The following VTI1B variants were observed in gnomAD, a reference collection of about 807,000 sequenced individuals.
VTI1B encodes the protein vesicle transport through interaction with t-SNAREs 1B, also known as vesicle transport through interaction with t-SNAREs homolog 1B.
Under a neutral mutation model 28.6 loss-of-function variants are expected in VTI1B, and 18 were observed. The observed-to-expected ratio is 0.63, with a 90% confidence interval of 0.43 to 0.93. The LOEUF (loss-of-function observed/expected upper bound fraction) is 0.93, where lower values mean the gene tolerates loss of function less well. Ranked by LOEUF, VTI1B falls within the 40% of genes least tolerant of loss-of-function variation. VTI1B has a pLI of 0.00. For synonymous variants in VTI1B, 100 were observed against 107.9 expected (o/e 0.93, Z 0.46); for missense variants, 283 against 297.0 (o/e 0.95, Z 0.35).
rs201273403 is a variant in VTI1B at position 67,650,685 on chromosome 14, C to T, written c.*700G>A. The T allele has an allele frequency of 1.2e-5, 20 of 1,607,444 alleles. No individual in the cohort carries two copies. In the East Asian group the frequency reaches 3.6e-4, roughly 29 times the overall value. ...TCACTGAGAGTAGCAGCAAGGGAAC[C>T]TGAGGTTTTGTCACACTTTGTTCTT... is the stretch of plus-strand genomic sequence containing the variant. On this transcript the variant is annotated 3_prime_UTR_variant, in exon 6 of 6. Coordinates refer to ENST00000554659, the MANE Select transcript of VTI1B (RefSeq NM_006370.3).
chr14:67,655,643 G>A (rs1274125493), intron 4 of VTI1B, among the ~76,000 whole-genome samples: 1 of 151,888 alleles, frequency 6.6e-6, no homozygotes, highest in Non-Finnish European at 1.5e-5. Context: ...AAACAGCCTT[G>A]GCTCTAAATA....
At chr14:67,673,265 A>G (rs2037491427) in intron 1 of VTI1B, among the ~76,000 whole-genome samples, 3 of 152,156 alleles carry the variant, frequency 2.0e-5, no homozygotes, top group Admixed American at 2.0e-4. Flanking sequence ...AATTGCTTCA[A>G]TCTGGGAAGT....
chr14:67,670,256 G>T (rs895238640), intron 1 of VTI1B, among the ~76,000 whole-genome samples: 1 of 152,054 alleles, frequency 6.6e-6, no homozygotes, highest in African/African-American at 2.4e-5. Context: ...GTCCTTTACT[G>T]ACTTTCCATA....
chr14:67,651,019 C>A lies in VTI1B; in HGVS notation c.*366G>T. 8.1e-7 allele frequency: 1 copy of A among 1,228,380 alleles called. No homozygotes were observed. The allele number at this position is 1,228,380 out of a possible 1,614,324, so 76.1% of individuals were successfully genotyped here. A position where few individuals can be genotyped will look rare whatever the true frequency, so the allele number is the denominator to read the frequency against. Reference sequence around the variant, plus strand: ...TAAATGGTTGTCTGGGTCAATACTGCCTTAATGAGAACATTTACACATTCT... The same window carrying A: ...TAAATGGTTGTCTGGGTCAATACTGACTTAATGAGAACATTTACACATTCT... On this transcript the variant is annotated 3_prime_UTR_variant, in exon 6 of 6. Coordinates refer to ENST00000554659, the MANE Select transcript of VTI1B (RefSeq NM_006370.3).
chr14:67,667,513 TA>T (rs2037416018), intron 1 of VTI1B, among the ~76,000 whole-genome samples: 1 of 152,158 alleles, frequency 6.6e-6, no homozygotes, highest in South Asian at 2.1e-4. Context: ...TTGAAAGGGT[TA>T]AAAGAAATAA....
Position 67,659,832 on chromosome 14 carries a change from C to T in VTI1B, c.265G>A (p.Ala89Thr), listed in dbSNP as rs149044793. ...CTTCTCACCTCCCGATGGAGTTTAG[C>T]AAGGTCCTTCCGGTAGTTTCGAAGC... The part of the protein sequence containing the change: ...SKLRNYRKDL[A>T]KLHREVRSTP... Residue 89 changes from alanine to threonine, a missense_variant, in exon 3 of 6, where the codon GCT (alanine) becomes ACT (threonine). Coordinates refer to ENST00000554659, the MANE Select transcript of VTI1B (RefSeq NM_006370.3). 2.1e-4 allele frequency: 339 copies of T among 1,614,058 alleles called. No individual in the cohort carries two copies. The highest frequency in any genetic ancestry group is 2.8e-4 in the Non-Finnish European group (326 of 1,180,040).
Position 67,659,697 on chromosome 14 carries a change from GAAAA to G in VTI1B, c.366+30_366+33del, listed in dbSNP as rs752876291. 2.1e-6 allele frequency: 3 copies of G among 1,441,536 alleles called. No homozygotes were observed. In the African/African-American group the frequency reaches 4.5e-5, roughly 22 times the overall value. The allele number at this position is 1,441,536 out of a possible 1,614,324, so 89.3% of individuals were successfully genotyped here. On this transcript the variant is annotated intron_variant, in intron 3 of 5. Transcript: ENST00000554659. ...ATTTTTGTACCACAGGCCCTTAAAG[GAAAA>G]AAAAAACAAACAAAACAGCTAAAAC...
At chr14:67,670,759 C>T (rs1006874772) in intron 1 of VTI1B, among the ~76,000 whole-genome samples, 1 of 152,170 alleles carries the variant, frequency 6.6e-6, no homozygotes, top group Non-Finnish European at 1.5e-5. Flanking sequence ...CATCCGTGAC[C>T]TTGTGATCCG....
At chr14:67,659,471 GT>G (rs554341608) in intron 3 of VTI1B, among the ~76,000 whole-genome samples, 1,760 of 148,048 alleles carry the variant, frequency 0.012, 15 homozygotes, top group Non-Finnish European at 0.019. Context: ...ACAAAGCACT[GT>G]TTTTTTTTTA....
Position 67,650,665 on chromosome 14 carries a change from G to A in VTI1B, c.*720C>T. 1 of 1,562,390 alleles carries A rather than the reference G, an allele frequency of 6.4e-7. No individual in the cohort carries two copies. The highest frequency in any genetic ancestry group is 8.8e-7 in the Non-Finnish European group (1 of 1,134,854). Reference sequence around the variant, plus strand: ...CTGTCCCAGTGGGATGACCCTCACTGAGAGTAGCAGCAAGGGAACCTGAGG... The same window carrying A: ...CTGTCCCAGTGGGATGACCCTCACTAAGAGTAGCAGCAAGGGAACCTGAGG... On this transcript the variant is annotated 3_prime_UTR_variant, in exon 6 of 6. Coordinates refer to ENST00000554659, the MANE Select transcript of VTI1B (RefSeq NM_006370.3).
chr14:67,650,911 G>A lies in VTI1B; in HGVS notation c.*474C>T, dbSNP rs751258615. ...ATGAATCAGAAAATCAAGCACGTGT[G>A]AGAATTTAGGAGACACTGTGCACTG... On this transcript the variant is annotated 3_prime_UTR_variant, in exon 6 of 6. Coordinates refer to ENST00000554659, the MANE Select transcript of VTI1B (RefSeq NM_006370.3). 1 of 1,613,916 alleles carries A rather than the reference G, an allele frequency of 6.2e-7. No homozygotes were observed. The highest frequency in any genetic ancestry group is 8.5e-7 in the Non-Finnish European group (1 of 1,179,934).
At chr14:67,670,786 A>C (rs1403741426) in intron 1 of VTI1B, among the ~76,000 whole-genome samples, 1 of 152,164 alleles carries the variant, frequency 6.6e-6, no homozygotes, top group Non-Finnish European at 1.5e-5. Flanking sequence ...TAGGCCTCCC[A>C]AAGTGATGGG....
In VTI1B at chr14:67,659,884, CAG is replaced by C. The variant is rs780002626; in HGVS notation, c.211_212del (p.Leu71ValfsTer9). 9.3e-6 allele frequency: 15 copies of C among 1,614,016 alleles called. No individual in the cohort carries two copies. Among genetic ancestry groups the C allele is most frequent in the Non-Finnish European group, 1.1e-5 (13 of 1,180,040 alleles). Reference sequence around the variant, plus strand: ...TAGACATCATGGGGTTTCGGAAAGACAGGGGTGCATAACGTAGCTCCTCCTCC... The same window carrying C: ...TAGACATCATGGGGTTTCGGAAAGACGGGTGCATAACGTAGCTCCTCCTCC... ...EMEEELRYAP[L>X]SFRNPMMSKL... On this transcript the variant is annotated frameshift_variant, in exon 3 of 6. Transcript: ENST00000554659. LOFTEE classifies it high-confidence loss of function.
At chr14:67,667,157 C>T (rs1002998551) in intron 1 of VTI1B, among the ~76,000 whole-genome samples, 1 of 152,206 alleles carries the variant, frequency 6.6e-6, no homozygotes, top group African/African-American at 2.4e-5. Flanking sequence ...TGGAAACAGA[C>T]AGCTCTGAAA....
At chr14:67,653,820 T>C (rs1011536590) in intron 4 of VTI1B, among the ~76,000 whole-genome samples, 7 of 152,234 alleles carry the variant, frequency 4.6e-5, no homozygotes, top group East Asian at 1.9e-4. Flanking sequence ...CCAGTGACTG[T>C]AGAGCAACTT....
chr14:67,660,351 G>A (rs1566813965), intron 2 of VTI1B, among the ~76,000 whole-genome samples: 1 of 152,088 alleles, frequency 6.6e-6, no homozygotes, highest in East Asian at 1.9e-4. Flanking sequence ...TTGGGAAGCC[G>A]AGGCAGGAGG....
intron 1 of VTI1B, among the ~76,000 whole-genome samples, chr14:67,673,818 A>G (rs1200215655): frequency 1.3e-5 from 2 of 152,190 alleles, no homozygotes; most frequent in African/African-American, 4.8e-5. Context: ...CTGAATCATG[A>G]AATTAAGGGG....
intron 4 of VTI1B, among the ~76,000 whole-genome samples, chr14:67,654,767 C>T (rs377607185): frequency 1.3e-4 from 20 of 152,000 alleles, no homozygotes; most frequent in Non-Finnish European, 2.4e-4. Flanking sequence ...CAGTGGCTCA[C>T]GCTTATAATT....
intron 1 of VTI1B, chr14:67,663,174 A>G (rs933485247): frequency 6.5e-7 from 1 of 1,532,128 alleles, no homozygotes; most frequent in African/African-American, 1.4e-5. Context: ...TTAATACCTA[A>G]AAATTACTAA....
Sources: allele counts gnomAD v4.1 joint callset (sites outside exome capture counted in the v4.1 genomes callset), GRCh38; gene constraint gnomAD v4.1.1; transcripts MANE v1.5; gene names NCBI Gene and HGNC (gene_info 2026-07-23, HGNC 2026-07-21).